Variants in MYCBPAP observed in about 807,000 individuals in gnomAD.
MYCBPAP encodes the protein MYCBP associated protein, also known as MYCBP-associated protein.
A neutral mutation model predicts 106.1 loss-of-function variants in MYCBPAP; 60 were observed. The ratio of observed to expected loss-of-function variants is 0.57; its 90% CI spans 0.46 to 0.70. The LOEUF (loss-of-function observed/expected upper bound fraction) is 0.70. MYCBPAP is among the 30% of genes least tolerant of loss of function. The pLI is 0.00. For synonymous variants in MYCBPAP, 407 were observed against 440.6 expected (o/e 0.92, Z 0.95); for missense variants, 1,064 against 1,169.3 (o/e 0.91, Z 1.31).
chr17:50,517,276 GT>G lies in MYCBPAP; in HGVS notation c.205-13del. 6.2e-7 allele frequency: 1 copy of G among 1,613,420 alleles called. No homozygotes were observed. ...GCCACCACAGGTGGAATTCTCCTTT[GT>G]TTTATTTCTTTTTAGCAACACATTC... On this transcript the variant is annotated splice_polypyrimidine_tract_variant and intron_variant, in intron 2 of 18. Coordinates refer to ENST00000323776, the MANE Select transcript of MYCBPAP (RefSeq NM_032133.6).
intron 12 of MYCBPAP, among the ~76,000 whole-genome samples, chr17:50,524,168 ATAAT>A (rs768454505): frequency 1.3e-5 from 2 of 152,230 alleles, no homozygotes; most frequent in African/African-American, 2.4e-5. Flanking sequence ...ACCAGGGAGA[ATAAT>A]TAATTAATAC....
At chr17:50,520,691 C>T (rs148409404) in intron 7 of MYCBPAP, among the ~76,000 whole-genome samples, 73 of 152,230 alleles carry the variant, frequency 4.8e-4, no homozygotes, top group Non-Finnish European at 8.7e-4. Flanking sequence ...TGCCAGGCTG[C>T]CTGGGTTCAG....
chr17:50,525,881 C>A lies in MYCBPAP; in HGVS notation c.1783C>A (p.Leu595Met), dbSNP rs2034440433. ...EDLFRHRNPP[L>M]HYEHQVVQSL... ...CATGCCTTCCCATCCTCTGCTGCAG[C>A]TGCATTATGAGCACCAAGTGGTGCA... is the stretch of plus-strand genomic sequence containing the variant. Residue 595 changes from leucine to methionine, a missense_variant and splice_region_variant, in exon 14 of 19, where the codon CTG becomes ATG. Coordinates refer to ENST00000323776, the MANE Select transcript of MYCBPAP (RefSeq NM_032133.6). The A allele has an allele frequency of 6.3e-7, 1 of 1,595,336 alleles. No individual in the cohort carries two copies. The highest frequency in any genetic ancestry group is 8.5e-7 in the Non-Finnish European group (1 of 1,172,930).
Position 50,522,034 on chromosome 17 carries a change from T to C in MYCBPAP, c.1210T>C (p.Cys404Arg). Residue 404 changes from cysteine (C) to arginine (R), a missense_variant, in exon 10 of 19, where the codon TGT becomes CGT. Physicochemically the swap from Cys to Arg is radical, Grantham distance 180. Transcript: ENST00000323776. ...TATTCTCGGCCCTTCTCTGCTGTTCTGTGGGAAGCCAGCTTGCTGGATCAG... is the reference window on the plus strand; with the variant it reads ...TATTCTCGGCCCTTCTCTGCTGTTCCGTGGGAAGCCAGCTTGCTGGATCAG... ...MPILGPSLLF[C>R]GKPACWIRGS... is the part of the protein sequence containing the mutation. 2 of 1,614,112 alleles carry C rather than the reference T, an allele frequency of 1.2e-6. No homozygotes were observed. The highest frequency in any genetic ancestry group is 1.7e-6 in the Non-Finnish European group (2 of 1,179,958).
At chr17:50,530,077 TC>T in intron 18 of MYCBPAP, 1 of 358,340 alleles carries the variant, frequency 2.8e-6, no homozygotes, top group Non-Finnish European at 5.6e-6. Flanking sequence ...GATCAAAAGT[TC>T]CATTTGCCAC....
intron 6 of MYCBPAP, 89 bp from the exon 7 acceptor site, chr17:50,519,551 C>A (rs953005518): frequency 3.2e-5 from 47 of 1,467,612 alleles, no homozygotes; most frequent in Non-Finnish European, 4.1e-5. Flanking sequence ...GCATCTGTAG[C>A]CTGTGGTGGT....
intron 5 of MYCBPAP, 57 bp from the exon 6 acceptor site, chr17:50,518,910 GACTGCCA>G: frequency 1.3e-6 from 2 of 1,521,056 alleles, no homozygotes; most frequent in Non-Finnish European, 1.8e-6. Flanking sequence ...GCCCGATGCA[GACTGCCA>G]AGGCCCCTGT....
chr17:50,531,327 G>A lies in MYCBPAP; in HGVS notation c.2725G>A (p.Val909Ile), dbSNP rs1259524389. The change falls in exon 19 of 19, where the codon GTC (valine) becomes ATC (isoleucine). Residue 909 changes from valine to isoleucine, a missense_variant and splice_region_variant. Physicochemically the swap from Val to Ile is conservative, Grantham distance 29 (BLOSUM62 3). Transcript: ENST00000323776. The part of the protein sequence containing the change: ...GKYTQSLHSE[V>I]RGLLDTLVTD... ...CTGTGATGTTGTCCCGTTCTTCCAG[G>A]TCCGTGGGCTGCTGGACACCCTGGT... The A allele has an allele frequency of 6.2e-7, 1 of 1,609,892 alleles. No homozygotes were observed. The highest frequency in any genetic ancestry group is 2.2e-5 in the East Asian group (1 of 44,660).
chr17:50,528,952 G>A (rs2290864), intron 17 of MYCBPAP, 66 bp from the exon 18 acceptor site: 1,120,099 of 1,598,174 alleles, frequency 0.7, 394,772 homozygotes, highest in East Asian at 0.89. Flanking sequence ...GTGAGCTACT[G>A]TTGAGGACAT....
chr17:50,516,784 C>A, intron 2 of MYCBPAP, 87 bp downstream of exon 2: 1 of 1,482,060 alleles, frequency 6.7e-7, no homozygotes. Flanking sequence ...CATGTCCCTA[C>A]TCATGGGGAG....
At chr17:50,520,007 C>T in intron 7 of MYCBPAP, 1 of 528,814 alleles carries the variant, frequency 1.9e-6, no homozygotes, top group East Asian at 3.2e-5. Flanking sequence ...GGAGTGCAGC[C>T]ATAGAGCTGC....
In MYCBPAP at chr17:50,519,795, G is replaced by GC. The variant is rs2034192317; in HGVS notation, c.916+9dup. The GC allele has an allele frequency of 1.9e-6, 3 of 1,612,128 alleles. No individual in the cohort carries two copies. The East Asian group carries it at 6.7e-5, about 36-fold the overall frequency. On this transcript the variant is annotated intron_variant, in intron 7 of 18. Transcript: ENST00000323776. ...CCATCCGGGTGGAGACAGGTGAGGC[G>GC]CAGGGCTGTAAGCCAGCTAGCATCT...
At chr17:50,509,457 C>CT (rs1882121544) in intron 1 of MYCBPAP, 1 of 286,788 alleles carries the variant, frequency 3.5e-6, no homozygotes, top group Non-Finnish European at 6.6e-6. Flanking sequence ...CATGTTCTCA[C>CT]TTGCAACCCA....
In MYCBPAP at chr17:50,519,768, C is replaced by T. The variant is rs1009740409; in HGVS notation, c.897C>T (p.His299=). The change falls in exon 7 of 19, where the codon CAC becomes CAT. Residue 299 remains histidine, a synonymous_variant. Coordinates refer to ENST00000323776, the MANE Select transcript of MYCBPAP (RefSeq NM_032133.6). ...MEPITHIRKP[H]SIRVETGLPA... ...CCATCACTCACATCAGGAAGCCCCA[C>T]TCCATCCGGGTGGAGACAGGTGAGG... is the stretch of plus-strand genomic sequence containing the variant. 6 of 1,613,812 alleles carry T rather than the reference C, an allele frequency of 3.7e-6. No individual in the cohort carries two copies. In the African/African-American group the frequency reaches 5.3e-5, roughly 14 times the overall value.
Position 50,523,579 on chromosome 17 carries a change from G to A in MYCBPAP, c.1448-18G>A, listed in dbSNP as rs1442013049. 1.2e-6 allele frequency: 2 copies of A among 1,613,640 alleles called. No homozygotes were observed. The highest frequency in any genetic ancestry group is 3.3e-5 in the Admixed American group (2 of 59,918). ...CAGCTCCTGCATGTTGAAAACCTCG[G>A]GTCTCTGTCCCTCTCAGGTGTGATT... On this transcript the variant is annotated intron_variant, in intron 11 of 18. Transcript: ENST00000323776.
intron 15 of MYCBPAP, among the ~76,000 whole-genome samples, chr17:50,527,845 C>G (rs1208756379): frequency 4.6e-5 from 7 of 152,194 alleles, no homozygotes. Context: ...ATGCAAGGTT[C>G]AGCCCCTCCA....
upstream of MYCBPAP, among the ~76,000 whole-genome samples, chr17:50,507,813 A>G (rs2033672947): frequency 1.3e-5 from 2 of 152,202 alleles, no homozygotes. Context: ...GCTCTCATAC[A>G]TTCTGAGAGC....
chr17:50,509,227 G>A, intron 1 of MYCBPAP: 1 of 689,846 alleles, frequency 1.4e-6, no homozygotes, highest in Admixed American at 2.0e-5. Flanking sequence ...CGTCACTTAG[G>A]ATTCCTGCTG....
intron 18 of MYCBPAP, chr17:50,529,620 G>T (rs1437334394): frequency 1.2e-5 from 5 of 407,342 alleles, no homozygotes; most frequent in Non-Finnish European, 2.5e-5. Flanking sequence ...ATTTTTCGGA[G>T]TGAAATGAGA....
Sources: allele counts gnomAD v4.1 joint callset (sites outside exome capture counted in the v4.1 genomes callset), GRCh38; gene constraint gnomAD v4.1.1; transcripts MANE v1.5; gene names NCBI Gene and HGNC (gene_info 2026-07-23, HGNC 2026-07-21).